The following HS3ST4 variants were observed in gnomAD, a reference collection of about 807,000 sequenced individuals.
HS3ST4 encodes heparan sulfate-glucosamine 3-sulfotransferase 4, also known as heparan sulfate glucosamine 3-O-sulfotransferase 4.
HS3ST4 carries 17 observed loss-of-function variants against 29.2 expected under a neutral mutation model. The observed-to-expected ratio is 0.58, with a 90% CI of 0.40 to 0.87. HS3ST4 has a LOEUF of 0.87. Ranked by LOEUF, HS3ST4 falls within the 40% of genes least tolerant of loss-of-function variation. HS3ST4 has a pLI of 0.00. For synonymous variants in HS3ST4, 314 were observed against 285.7 expected, an observed-to-expected ratio of 1.10 and a Z score of -1.00; for missense variants, 627 against 634.5, an observed-to-expected ratio of 0.99 and a Z score of 0.13.
intron 1 of HS3ST4, among the ~76,000 whole-genome samples, chr16:25,767,635 C>A (rs1596564956): frequency 6.6e-6 from 1 of 152,276 alleles, no homozygotes; most frequent in East Asian, 1.9e-4. Context: ...CATTTTGGAC[C>A]AGAGGCTGAG....
At chr16:25,903,193 CT>C (rs1968135975) in intron 1 of HS3ST4, among the ~76,000 whole-genome samples, 1 of 151,124 alleles carries the variant, frequency 6.6e-6, no homozygotes, top group Non-Finnish European at 1.5e-5. Flanking sequence ...AATAGTGATT[CT>C]TTTTTCTCCC....
intron 1 of HS3ST4, among the ~76,000 whole-genome samples, chr16:25,932,243 G>A (rs1183836261): frequency 6.6e-6 from 1 of 152,148 alleles, no homozygotes; most frequent in Non-Finnish European, 1.5e-5. Context: ...GAGACCAGGA[G>A]GTCAAGGCTG....
At chr16:25,748,638 C>A (rs1268275389) in intron 1 of HS3ST4, among the ~76,000 whole-genome samples, 2 of 151,908 alleles carry the variant, frequency 1.3e-5, no homozygotes, top group Admixed American at 1.3e-4. Flanking sequence ...ATTTTCTATG[C>A]AAAAAGGGTT....
chr16:26,030,208 T>A (rs1969519336), intron 1 of HS3ST4, among the ~76,000 whole-genome samples: 1 of 152,224 alleles, frequency 6.6e-6, no homozygotes, highest in East Asian at 1.9e-4. Context: ...TCCATGATTT[T>A]GTGAGTTACA....
chr16:26,003,246 C>T (rs925462878), intron 1 of HS3ST4, among the ~76,000 whole-genome samples: 1 of 152,196 alleles, frequency 6.6e-6, no homozygotes, highest in African/African-American at 2.4e-5. Context: ...ACTTACTTAG[C>T]TTGTTCAGTT....
chr16:25,839,819 A>G (rs1343331841), intron 1 of HS3ST4, among the ~76,000 whole-genome samples: 1 of 152,216 alleles, frequency 6.6e-6, no homozygotes, highest in Non-Finnish European at 1.5e-5. Flanking sequence ...TGTTGAAGTG[A>G]TGATCACAAA....
intron 1 of HS3ST4, among the ~76,000 whole-genome samples, chr16:25,964,574 T>A (rs1205165790): frequency 6.6e-6 from 1 of 152,140 alleles, no homozygotes; most frequent in Non-Finnish European, 1.5e-5. Flanking sequence ...CATCTTTAAA[T>A]AACCTGCTCA....
chr16:25,906,476 GATGCTGGGTTAGAGC>G (rs1275630578), intron 1 of HS3ST4, among the ~76,000 whole-genome samples: 1 of 152,092 alleles, frequency 6.6e-6, no homozygotes, highest in East Asian at 1.9e-4. Context: ...CAGGATCCAG[GATGCTGGGTTAGAGC>G]AGTAACCATG....
chr16:25,822,607 G>T (rs923048643), intron 1 of HS3ST4, among the ~76,000 whole-genome samples: 1 of 152,166 alleles, frequency 6.6e-6, no homozygotes, highest in Non-Finnish European at 1.5e-5. Flanking sequence ...GTTGCCCTCT[G>T]CTGAGGACCA....
chr16:25,766,338 G>A (rs1303139758), intron 1 of HS3ST4, among the ~76,000 whole-genome samples: 1 of 152,076 alleles, frequency 6.6e-6, no homozygotes, highest in Non-Finnish European at 1.5e-5. Context: ...CAGTACAGAA[G>A]GAATTGTAGA....
Position 25,711,825 on chromosome 16 carries a change from G to A in HS3ST4, c.734+18674G>A, listed in dbSNP as rs533259225. 3.3e-5 allele frequency among the ~76,000 whole-genome samples: 5 copies of A among 152,132 alleles called. No homozygotes were observed. In the South Asian group the frequency reaches 8.3e-4, roughly 25 times the overall value. On this transcript the variant is annotated intron_variant, in intron 1 of 1. Coordinates refer to ENST00000331351, the MANE Select transcript of HS3ST4 (RefSeq NM_006040.3). ...CTTCATTTTTTCCTGTACTATCAGG[G>A]CCGATTTTGCCCAGGCTGGTCTTGA... is the stretch of plus-strand genomic sequence containing the variant.
chr16:25,756,152 A>ACG (rs1555464227), intron 1 of HS3ST4, among the ~76,000 whole-genome samples: 3 of 84,948 alleles, frequency 3.5e-5, no homozygotes, highest in African/African-American at 1.3e-4. Context: ...ACACACACAC[A>ACG]CGCACACACA....
At chr16:25,811,315 A>G (rs762589069) in intron 1 of HS3ST4, among the ~76,000 whole-genome samples, 13 of 151,992 alleles carry the variant, frequency 8.6e-5, no homozygotes, top group Non-Finnish European at 1.2e-4. Context: ...AGCCTACTCA[A>G]CATGAAGAAG....
intron 1 of HS3ST4, among the ~76,000 whole-genome samples, chr16:25,981,126 G>A (rs1435820897): frequency 6.6e-6 from 1 of 152,144 alleles, no homozygotes; most frequent in Non-Finnish European, 1.5e-5. Context: ...GGGAGGCTGA[G>A]ACAGGCAGAT....
chr16:25,924,508 T>C (rs975122456), intron 1 of HS3ST4, among the ~76,000 whole-genome samples: 10 of 152,202 alleles, frequency 6.6e-5, no homozygotes, highest in African/African-American at 2.4e-4. Context: ...ATATTAACTA[T>C]TATTTACTAA....
intron 1 of HS3ST4, among the ~76,000 whole-genome samples, chr16:26,090,028 A>G (rs1057315020): frequency 1.3e-5 from 2 of 152,198 alleles, no homozygotes; most frequent in African/African-American, 4.8e-5. Context: ...TTTACTTTAT[A>G]ATTTTCTTAA....
chr16:25,725,987 A>G (rs1224252210), intron 1 of HS3ST4, among the ~76,000 whole-genome samples: 2 of 152,202 alleles, frequency 1.3e-5, no homozygotes, highest in Non-Finnish European at 2.9e-5. Context: ...CCTAGTATAA[A>G]CACACATGCA....
chr16:25,957,943 T>G (rs1327224822), intron 1 of HS3ST4, among the ~76,000 whole-genome samples: 3 of 152,092 alleles, frequency 2.0e-5, no homozygotes, highest in Non-Finnish European at 4.4e-5. Flanking sequence ...CCTTAGACTC[T>G]TCTTGTAAGG....
intron 1 of HS3ST4, among the ~76,000 whole-genome samples, chr16:25,986,652 C>T (rs895228820): frequency 1.3e-5 from 2 of 152,274 alleles, no homozygotes; most frequent in East Asian, 1.9e-4. Flanking sequence ...AAATTTAGTC[C>T]TCATTCAAAA....
Sources: gnomAD v4.1 joint callset for allele counts (sites outside exome capture counted in the v4.1 genomes callset) on GRCh38, gnomAD v4.1.1 for gene constraint, MANE v1.5 for transcripts, NCBI Gene and HGNC (gene_info 2026-07-23, HGNC 2026-07-21) for gene names.